ZGRF1: variants seen among roughly 807,000 people sequenced by gnomAD.
ZGRF1 encodes the protein zinc finger GRF-type containing 1.
ZGRF1 carries 196 observed loss-of-function variants against 203.5 expected under a neutral mutation model. That is an observed-to-expected ratio of 0.96 (90% CI 0.86 to 1.08). The LOEUF is 1.08. Ranked by LOEUF, ZGRF1 falls within the 50% of genes least tolerant of loss-of-function variation. ZGRF1 has a pLI of 0.00. For missense variants in ZGRF1, 2,326 were observed against 2,416.3 expected (o/e 0.96, Z 0.78); for synonymous variants, 809 against 841.3 (o/e 0.96, Z 0.66).
In ZGRF1 at chr4:112,587,786, T is replaced by C; in HGVS notation, c.3271A>G (p.Thr1091Ala). Reference sequence around the variant, plus strand: ...ATGGGGGAGCCAGAAGACTCGTATGTGTTAGAGTTGATCATATACGAATGA... The same window carrying C: ...ATGGGGGAGCCAGAAGACTCGTATGCGTTAGAGTTGATCATATACGAATGA... ...DSHSYMINSN[T>A]YESSGSPMLN... The change falls in exon 12 of 28, where the codon ACA becomes GCA. Residue 1091 changes from threonine to alanine, a missense_variant. By Grantham distance (58) the Thr-to-Ala change is moderately conservative. Transcript: ENST00000505019. 1 of 1,552,786 alleles carries C rather than the reference T, an allele frequency of 6.4e-7. No homozygotes were observed. Among genetic ancestry groups the C allele is most frequent in the Non-Finnish European group, 8.7e-7 (1 of 1,147,382 alleles).
At chr4:112,585,954 C>T (rs1398838600) in intron 13 of ZGRF1, among the ~76,000 whole-genome samples, 1 of 150,112 alleles carries the variant, frequency 6.7e-6, no homozygotes, top group East Asian at 1.9e-4. Context: ...AAAGATAATA[C>T]TGGCCAAGTG....
rs2046726045 is a variant in ZGRF1 at position 112,612,595 on chromosome 4, T to G, written c.2603-7A>C. The G allele has an allele frequency of 6.4e-7, 1 of 1,565,922 alleles. No individual in the cohort carries two copies. Among genetic ancestry groups the G allele is most frequent in the African/African-American group, 1.4e-5 (1 of 73,824 alleles). ...GTAATAAATGGTTTCCTCACTGTAA[T>G]GGAGAAAAGAAATAATCATATCATT... On this transcript the variant is annotated splice_polypyrimidine_tract_variant and splice_region_variant and intron_variant, in intron 6 of 27. Coordinates refer to ENST00000505019, the MANE Select transcript of ZGRF1 (RefSeq NM_018392.5).
rs1740461231 is a variant in ZGRF1 at position 112,553,989 on chromosome 4, A to G, written c.5199-7T>C. 2 of 1,601,486 alleles carry G rather than the reference A, an allele frequency of 1.2e-6. No homozygotes were observed. Among genetic ancestry groups the G allele is most frequent in the Non-Finnish European group, 1.7e-6 (2 of 1,176,558 alleles). ...TTCTGAGCCAGCATGCAAGCTAAAG[A>G]ATTATATTAAAACACTCCTCTTTAT... On this transcript the variant is annotated splice_polypyrimidine_tract_variant and splice_region_variant and intron_variant, in intron 21 of 27. Coordinates refer to ENST00000505019, the MANE Select transcript of ZGRF1 (RefSeq NM_018392.5).
chr4:112,595,637 C>T (rs1477428846), intron 10 of ZGRF1, among the ~76,000 whole-genome samples: 12 of 151,920 alleles, frequency 7.9e-5, no homozygotes, highest in Admixed American at 7.2e-4. Flanking sequence ...CCCAAATAAG[C>T]TTAAAAGCAT....
At position 112,553,981 on chromosome 4, in the gene ZGRF1, A is replaced by G. The variant is rs1226279961; in HGVS notation, c.5200T>C (p.Leu1734=). 6.2e-7 allele frequency: 1 copy of G among 1,605,306 alleles called. No homozygotes were observed. The highest frequency in any genetic ancestry group is 8.5e-7 in the Non-Finnish European group (1 of 1,177,722). Residue 1734 remains leucine, a splice_region_variant and synonymous_variant, in exon 22 of 28, where the codon TTG becomes CTG. Coordinates refer to ENST00000505019, the MANE Select transcript of ZGRF1 (RefSeq NM_018392.5). ...KIAKPILPYS[L]HAGSENESEQ... is the part of the protein sequence containing the mutation. Reference sequence around the variant, plus strand: ...CTTTCATTTTCTGAGCCAGCATGCAAGCTAAAGAATTATATTAAAACACTC... The same window carrying G: ...CTTTCATTTTCTGAGCCAGCATGCAGGCTAAAGAATTATATTAAAACACTC...
intron 26 of ZGRF1, among the ~76,000 whole-genome samples, 186 bp from the exon 27 acceptor site, chr4:112,540,310 GAC>G (rs1294711639): frequency 6.6e-6 from 1 of 152,070 alleles, no homozygotes; most frequent in African/African-American, 2.4e-5. Flanking sequence ...TATTAATTAT[GAC>G]ACAAAATCAA....
intron 3 of ZGRF1, 194 bp from the exon 4 acceptor site, chr4:112,624,070 T>C (rs1321448241): frequency 4.9e-6 from 2 of 407,794 alleles, no homozygotes; most frequent in Non-Finnish European, 8.9e-6. Flanking sequence ...AGTAAAGGCA[T>C]ACATAAAAGA....
chr4:112,547,312 TTGTTCCAATCCATTTTCA>T lies in ZGRF1; in HGVS notation c.5553_5570del (p.His1851_Glu1856del), dbSNP rs1332406080. 1.9e-6 allele frequency: 3 copies of T among 1,613,316 alleles called. No individual in the cohort carries two copies. The highest frequency in any genetic ancestry group is 2.5e-6 in the Non-Finnish European group (3 of 1,179,708). Reference sequence around the variant, plus strand: ...TTAAGCAAAGTCGATCAAAAAGAGTTTGTTCCAATCCATTTTCATGAGCTGCATCAGAACCCTGAATAG... The same window carrying T: ...TTAAGCAAAGTCGATCAAAAAGAGTTTGAGCTGCATCAGAACCCTGAATAG... On this transcript the variant is annotated inframe_deletion, in exon 24 of 28. Coordinates refer to ENST00000505019, the MANE Select transcript of ZGRF1 (RefSeq NM_018392.5).
At chr4:112,605,931 GT>G (rs1164666135) in intron 9 of ZGRF1, 76 bp downstream of exon 9, 3 of 942,734 alleles carry the variant, frequency 3.2e-6, no homozygotes, top group South Asian at 1.4e-5. Flanking sequence ...TCTGATACTT[GT>G]TTTTTTGTTT....
At chr4:112,585,175 C>T (rs888117626) in intron 14 of ZGRF1, among the ~76,000 whole-genome samples, 3 of 152,156 alleles carry the variant, frequency 2.0e-5, no homozygotes, top group Admixed American at 6.6e-5. Context: ...GAGGCCAAGG[C>T]GGGAGGATGG....
intron 8 of ZGRF1, among the ~76,000 whole-genome samples, chr4:112,608,593 C>T (rs1386984647): frequency 6.6e-6 from 1 of 152,130 alleles, no homozygotes; most frequent in Non-Finnish European, 1.5e-5. Context: ...GCACTCCAGC[C>T]TGGGCGACAA....
intron 16 of ZGRF1, among the ~76,000 whole-genome samples, chr4:112,566,553 A>G (rs929925766): frequency 1.3e-5 from 2 of 152,120 alleles, no homozygotes; most frequent in African/African-American, 4.8e-5. Flanking sequence ...AATTAATAAC[A>G]TAATTCAAAA....
At chr4:112,575,829 T>G (rs1745096744) in intron 16 of ZGRF1, among the ~76,000 whole-genome samples, 1 of 152,206 alleles carries the variant, frequency 6.6e-6, no homozygotes, top group Non-Finnish European at 1.5e-5. Flanking sequence ...ACTGCCTGCC[T>G]CTGTAGACTC....
chr4:112,613,665 C>T (rs2046770793), intron 6 of ZGRF1, among the ~76,000 whole-genome samples: 2 of 152,030 alleles, frequency 1.3e-5, no homozygotes, highest in Admixed American at 6.6e-5. Context: ...TAAAAGTGTT[C>T]GGGTAAAAGG....
chr4:112,584,225 T>C lies in ZGRF1; in HGVS notation c.4102-51A>G, dbSNP rs952535807. The C allele has an allele frequency of 7.7e-6, 10 of 1,295,498 alleles. No individual in the cohort carries two copies. The Admixed American group carries it at 2.3e-4, about 30-fold the overall frequency. The allele number at this position is 1,295,498 out of a possible 1,614,324, so 80.3% of individuals were successfully genotyped here. On this transcript the variant is annotated intron_variant, in intron 14 of 27. Coordinates refer to ENST00000505019, the MANE Select transcript of ZGRF1 (RefSeq NM_018392.5). ...ATTTAGTGAAAAAAATGCTTTTATT[T>C]TTCGATTATTTTTGTGTTTGTCAAG...
At position 112,617,765 on chromosome 4, in the gene ZGRF1, G is replaced by A. The variant is rs2046930724; in HGVS notation, c.2277C>T (p.His759=). 1 of 1,614,044 alleles carries A rather than the reference G, an allele frequency of 6.2e-7. No homozygotes were observed. Among genetic ancestry groups the A allele is most frequent in the Non-Finnish European group, 8.5e-7 (1 of 1,179,940 alleles). Residue 759 remains histidine, a synonymous_variant, in exon 6 of 28, where the codon CAC becomes CAT. Transcript: ENST00000505019. ...GTGGGTAAAACAAAGAATTGGAAAT[G>A]TGGGTATTTGATTTATCAAGTGCAA... is the stretch of plus-strand genomic sequence containing the variant. ...ECIALDKSNT[H]ISNSLFYPLG... is the part of the protein sequence containing the mutation.
chr4:112,628,437 T>C (rs965100621), intron 3 of ZGRF1, among the ~76,000 whole-genome samples: 1 of 152,224 alleles, frequency 6.6e-6, no homozygotes, highest in Non-Finnish European at 1.5e-5. Context: ...CATCCACCTA[T>C]TTGACTTTTC....
At chr4:112,604,174 A>C (rs1235567873) in intron 9 of ZGRF1, among the ~76,000 whole-genome samples, 1 of 151,964 alleles carries the variant, frequency 6.6e-6, no homozygotes, top group African/African-American at 2.4e-5. Context: ...CAGTGAGCTG[A>C]GATCACGCCA....
chr4:112,584,509 C>T (rs754503409), intron 14 of ZGRF1, among the ~76,000 whole-genome samples: 21 of 152,014 alleles, frequency 1.4e-4, no homozygotes, highest in Non-Finnish European at 3.1e-4. Flanking sequence ...TTTTCTCATT[C>T]GCGTAAGTAC....
Sources: gnomAD v4.1 joint callset for allele counts (sites outside exome capture counted in the v4.1 genomes callset) on GRCh38, gnomAD v4.1.1 for gene constraint, MANE v1.5 for transcripts, NCBI Gene and HGNC (gene_info 2026-07-23, HGNC 2026-07-21) for gene names.